Variants in GLB1L2 observed in about 807,000 individuals in gnomAD.
GLB1L2 encodes galactosidase beta 1 like 2.
Under a neutral mutation model 84.1 loss-of-function variants are expected in GLB1L2, and 68 were observed. The ratio of observed to expected loss-of-function variants is 0.81; its 90% CI spans 0.67 to 0.99. The LOEUF (loss-of-function observed/expected upper bound fraction) is 0.99, where lower values mean the gene tolerates loss of function less well. Ranked by LOEUF, GLB1L2 falls within the 50% of genes least tolerant of loss-of-function variation. The pLI is 0.00. For missense variants in GLB1L2, 762 were observed against 805.6 expected, an observed-to-expected ratio of 0.95 and a Z score of 0.66; for synonymous variants, 290 against 318.0, an observed-to-expected ratio of 0.91 and a Z score of 0.94.
chr11:134,335,238 T>TTTG (rs1943366007), intron 1 of GLB1L2, among the ~76,000 whole-genome samples: 1 of 151,664 alleles, frequency 6.6e-6, no homozygotes, highest in Non-Finnish European at 1.5e-5. Flanking sequence ...ACTTTTTTTT[T>TTTG]TTTATGTGAA....
Position 134,367,349 on chromosome 11 carries a change from C to T in GLB1L2, c.889+8C>T. Reference sequence around the variant, plus strand: ...ATATCTTGGATTCTTCTGGTGAGTGCTTGCGGTGACTACATCCAGAATGTG... The same window carrying T: ...ATATCTTGGATTCTTCTGGTGAGTGTTTGCGGTGACTACATCCAGAATGTG... On this transcript the variant is annotated splice_region_variant and intron_variant, in intron 9 of 18. Coordinates refer to ENST00000535456, the MANE Select transcript of GLB1L2 (RefSeq NM_001370461.1). The T allele has an allele frequency of 6.2e-7, 1 of 1,607,882 alleles. No homozygotes were observed. The highest frequency in any genetic ancestry group is 1.7e-4 in the Middle Eastern group (1 of 5,994).
In GLB1L2 at chr11:134,370,714, G is replaced by T. The variant is rs1401939943; in HGVS notation, c.1216-294G>T. Among the ~76,000 whole-genome samples, 1 of 152,124 alleles carries T rather than the reference G, an allele frequency of 6.6e-6. No individual in the cohort carries two copies. The highest frequency in any genetic ancestry group is 2.4e-5 in the African/African-American group (1 of 41,424). On this transcript the variant is annotated intron_variant, in intron 12 of 18. Coordinates refer to ENST00000535456, the MANE Select transcript of GLB1L2 (RefSeq NM_001370461.1). The surrounding 1 kb of genome is among the most constrained non-coding windows in gnomAD (Gnocchi z 4.7). ...TTCCTCCAGCCTCAGAGAGGAGAGT[G>T]AGGGGCAGAGGAACAGGCCGTCCCC...
intron 4 of GLB1L2, 56 bp from the exon 5 acceptor site, chr11:134,347,269 C>A: frequency 7.4e-7 from 1 of 1,353,900 alleles, no homozygotes; most frequent in Non-Finnish European, 1.1e-6. Flanking sequence ...ACAGCCTGCT[C>A]ACAGCAAACC....
chr11:134,373,750 T>C lies in GLB1L2; in HGVS notation c.1537T>C (p.Ser513Pro). ...GLIGNLYLND[S>P]PLKNFRIYSL... is the part of the protein sequence containing the mutation. ...AATTGGAAATCTCTATCTGAATGAT[T>C]CACCCCTGAAAAACTTCAGAATCTA... The change falls in exon 16 of 19, where the codon TCA becomes CCA. Residue 513 changes from serine to proline, a missense_variant. Coordinates refer to ENST00000535456, the MANE Select transcript of GLB1L2 (RefSeq NM_001370461.1). The C allele has an allele frequency of 6.2e-7, 1 of 1,613,076 alleles. No homozygotes were observed. The highest frequency in any genetic ancestry group is 8.5e-7 in the Non-Finnish European group (1 of 1,179,126).
rs776934690 is a variant in GLB1L2 at position 134,332,089 on chromosome 11, C to T, written c.28C>T (p.Pro10Ser). The T allele has an allele frequency of 3.1e-6, 5 of 1,587,982 alleles. No homozygotes were observed. The highest frequency in any genetic ancestry group is 1.8e-5 in the Admixed American group (1 of 57,026). The stretch of plus-strand genomic sequence containing the variant: ...GACCACGTGGAGCCTCCGGCGGAGG[C>T]CGGCCCGCACGCTGGGACTCCTGCT... MTTWSLRRR[P>S]ARTLGLLLLV... is the part of the protein sequence containing the mutation. The change falls in exon 1 of 19, where the codon CCG becomes TCG. Residue 10 changes from proline (P) to serine (S), a missense_variant. This residue lies in a region of GLB1L2 where 100 missense variants were observed against 88.8 expected (regional missense o/e 1.13). Coordinates refer to ENST00000535456, the MANE Select transcript of GLB1L2 (RefSeq NM_001370461.1).
intron 7 of GLB1L2, among the ~76,000 whole-genome samples, chr11:134,363,547 A>G (rs946976233): frequency 7.9e-5 from 12 of 152,368 alleles, no homozygotes; most frequent in Middle Eastern, 3.4e-3. Context: ...TTTCTTGAGC[A>G]TATGTTTCAC....
intron 7 of GLB1L2, among the ~76,000 whole-genome samples, chr11:134,363,405 C>T (rs1943824585): frequency 6.6e-6 from 1 of 152,236 alleles, no homozygotes; most frequent in African/African-American, 2.4e-5. Flanking sequence ...CTCAGCCTCT[C>T]TGGTGTGTGC....
intron 1 of GLB1L2, among the ~76,000 whole-genome samples, chr11:134,333,934 C>T (rs1445259530): frequency 2.6e-5 from 4 of 152,134 alleles, no homozygotes; most frequent in African/African-American, 9.7e-5. Context: ...AGGGCCGTGT[C>T]TTCAGATCCT....
chr11:134,363,269 A>G (rs1943822895), intron 7 of GLB1L2, among the ~76,000 whole-genome samples: 1 of 152,164 alleles, frequency 6.6e-6, no homozygotes, highest in Non-Finnish European at 1.5e-5. Flanking sequence ...GAGGCCAATT[A>G]TTGTGACCTA....
intron 2 of GLB1L2, among the ~76,000 whole-genome samples, chr11:134,343,350 G>T (rs572286713): frequency 5.3e-5 from 8 of 152,284 alleles, no homozygotes; most frequent in Admixed American, 3.3e-4. Context: ...CTTGGGCAGT[G>T]GTCTTAGAAT....
intron 2 of GLB1L2, among the ~76,000 whole-genome samples, 153 bp downstream of exon 2, chr11:134,343,104 C>G (rs1408315693): frequency 6.6e-6 from 1 of 152,180 alleles, no homozygotes; most frequent in East Asian, 1.9e-4. Context: ...GAGCTCCTGA[C>G]TCATGGGCGC....
At chr11:134,341,073 C>T (rs1323706649) in intron 1 of GLB1L2, among the ~76,000 whole-genome samples, 1 of 152,176 alleles carries the variant, frequency 6.6e-6, no homozygotes, top group African/African-American at 2.4e-5. Context: ...TATATACCAC[C>T]ATGGGGAGAA....
chr11:134,335,142 C>T (rs993057965), intron 1 of GLB1L2, among the ~76,000 whole-genome samples: 2 of 152,034 alleles, frequency 1.3e-5, no homozygotes, highest in Non-Finnish European at 2.9e-5. Context: ...TATTCCAGAC[C>T]CCAAATTCTT....
chr11:134,343,153 C>T (rs1402449023), intron 2 of GLB1L2, among the ~76,000 whole-genome samples: 1 of 152,212 alleles, frequency 6.6e-6, no homozygotes, highest in African/African-American at 2.4e-5. Flanking sequence ...AGAGGAACCG[C>T]AGTAGCAATG....
intron 1 of GLB1L2, among the ~76,000 whole-genome samples, 174 bp from the exon 2 acceptor site, chr11:134,342,580 C>T (rs1315740196): frequency 1.3e-5 from 2 of 152,234 alleles, no homozygotes; most frequent in African/African-American, 2.4e-5. Flanking sequence ...CGCGGGGCCC[C>T]GTGCTGAAGA....
chr11:134,351,978 C>T (rs1943641243), intron 5 of GLB1L2, among the ~76,000 whole-genome samples: 1 of 152,052 alleles, frequency 6.6e-6, no homozygotes, highest in South Asian at 2.1e-4. Flanking sequence ...AGGAAGTGTT[C>T]CTTCCCTTTC....
chr11:134,374,802 CGT>C, intron 18 of GLB1L2, 84 bp downstream of exon 18: 1 of 1,232,034 alleles, frequency 8.1e-7, no homozygotes, highest in South Asian at 1.2e-5. Flanking sequence ...GGTGGAGGGG[CGT>C]GTCAGCGGGT....
rs186690805 is a variant in GLB1L2 at position 134,348,891 on chromosome 11, G to A, written c.558+1458G>A. ...CTTACATGGCAGAGAGCGTCAGAGAGCTCCCTGAGGTCCCTCTTATAAGAG... is the reference window on the plus strand; with the variant it reads ...CTTACATGGCAGAGAGCGTCAGAGAACTCCCTGAGGTCCCTCTTATAAGAG... On this transcript the variant is annotated intron_variant, in intron 5 of 18. Coordinates refer to ENST00000535456, the MANE Select transcript of GLB1L2 (RefSeq NM_001370461.1). Among the ~76,000 whole-genome samples the A allele has an allele frequency of 2.6e-3, 399 of 152,312 alleles. 3 individuals carry two copies. Among genetic ancestry groups the A allele is most frequent in the African/African-American group, 9.0e-3 (375 of 41,570 alleles).
rs145351359 is a variant in GLB1L2, at chr11:134,374,501, C to T, written c.1708-101C>T. On this transcript the variant is annotated intron_variant, in intron 17 of 18. Coordinates refer to ENST00000535456, the MANE Select transcript of GLB1L2 (RefSeq NM_001370461.1). ...CCCTCATGGCTGTCCAGACACAGCTCGCTTTGGTCTCCTGGACCTGAGAGA... is the reference window on the plus strand; with the variant it reads ...CCCTCATGGCTGTCCAGACACAGCTTGCTTTGGTCTCCTGGACCTGAGAGA... The T allele has an allele frequency of 1.1e-4, 103 of 931,514 alleles. 2 individuals carry two copies. In the Middle Eastern group the frequency reaches 1.5e-3, roughly 13 times the overall value. 57.7% of individuals were successfully genotyped at this position (931,514 alleles called of 1,614,324 possible).
Sources: gnomAD v4.1 joint callset for allele counts (sites outside exome capture counted in the v4.1 genomes callset) on GRCh38, gnomAD v4.1.1 for gene constraint, gnomAD v4.1.1 regional missense constraint, Gnocchi (gnomAD v3.1) non-coding constraint, MANE v1.5 for transcripts, NCBI Gene and HGNC (gene_info 2026-07-23, HGNC 2026-07-21) for gene names.